The following TNR variants were observed in gnomAD, a reference collection of about 807,000 sequenced individuals.
The protein encoded by TNR is tenascin R, also known as tenascin-R.
A neutral mutation model predicts 150.4 loss-of-function variants in TNR; 45 were observed. The observed-to-expected ratio is 0.30, with a 90% CI of 0.24 to 0.38. The LOEUF (loss-of-function observed/expected upper bound fraction) is 0.38, where lower values mean the gene tolerates loss of function less well. Among genes scored for constraint, TNR ranks in the 10% least tolerant of loss-of-function variants. TNR has a pLI of 1.00. For missense variants in TNR, 1,544 were observed against 1,759.1 expected (o/e 0.88, Z 2.19); for synonymous variants, 687 against 678.4 (o/e 1.01, Z -0.20).
At chr1:175,671,840 G>T (rs771819901) in intron 1 of TNR, among the ~76,000 whole-genome samples, 27 of 151,746 alleles carry the variant, frequency 1.8e-4, no homozygotes, top group Non-Finnish European at 3.5e-4. Flanking sequence ...TAATTACTCG[G>T]GCAGCCCAAG....
chr1:175,724,877 G>A (rs1667436354), intron 1 of TNR, among the ~76,000 whole-genome samples: 1 of 152,080 alleles, frequency 6.6e-6, no homozygotes. Flanking sequence ...ATGGCCTGGA[G>A]GGGAGAGGAA....
intron 2 of TNR, among the ~76,000 whole-genome samples, chr1:175,506,270 G>A (rs1658953391): frequency 6.6e-6 from 1 of 152,150 alleles, no homozygotes; most frequent in South Asian, 2.1e-4. Context: ...TGTTATATTT[G>A]TTCAGAAACA....
At chr1:175,712,343 G>T (rs1000630407) in intron 1 of TNR, among the ~76,000 whole-genome samples, 2 of 152,116 alleles carry the variant, frequency 1.3e-5, no homozygotes, top group African/African-American at 4.8e-5. Context: ...TAGATGAATT[G>T]CTCTGAGGAT....
At chr1:175,644,736 A>G (rs1664760051) in intron 1 of TNR, among the ~76,000 whole-genome samples, 1 of 152,248 alleles carries the variant, frequency 6.6e-6, no homozygotes, top group East Asian at 1.9e-4. Flanking sequence ...CATGTTTGCT[A>G]AATACAGGAA....
chr1:175,644,379 C>T (rs774415880), intron 1 of TNR, among the ~76,000 whole-genome samples: 11 of 152,174 alleles, frequency 7.2e-5, no homozygotes, highest in Non-Finnish European at 1.0e-4. Flanking sequence ...TATATTATAC[C>T]GCAGTCTAAC....
At chr1:175,739,518 GCA>G (rs139764283) in intron 1 of TNR, among the ~76,000 whole-genome samples, 19 of 150,810 alleles carry the variant, frequency 1.3e-4, no homozygotes, top group South Asian at 8.4e-4. Flanking sequence ...ACACACGCAC[GCA>G]CACACACACA....
chr1:175,687,187 C>G (rs973957585), intron 1 of TNR, among the ~76,000 whole-genome samples: 1 of 152,168 alleles, frequency 6.6e-6, no homozygotes, highest in African/African-American at 2.4e-5. Flanking sequence ...CTCCTCTCCA[C>G]TGGTGCCTGT....
chr1:175,338,875 C>T (rs1057140968), intron 18 of TNR, among the ~76,000 whole-genome samples: 2 of 152,134 alleles, frequency 1.3e-5, no homozygotes, highest in Non-Finnish European at 1.5e-5. Flanking sequence ...TTATGGAAGG[C>T]CCCCCTGGAG....
At chr1:175,517,864 A>G (rs977138167) in intron 2 of TNR, among the ~76,000 whole-genome samples, 1 of 152,016 alleles carries the variant, frequency 6.6e-6, no homozygotes, top group East Asian at 1.9e-4. Flanking sequence ...TAGTCTACCC[A>G]CTGTGCATGT....
rs201187422 is a variant in TNR at position 175,403,415 on chromosome 1, C to T, written c.701G>A (p.Arg234Gln). 4.5e-5 allele frequency: 72 copies of T among 1,614,086 alleles called. No homozygotes were observed. The highest frequency in any genetic ancestry group is 1.6e-4 in the Middle Eastern group (1 of 6,084). The change falls in exon 4 of 23, where the codon CGG (arginine) becomes CAG (glutamine). Residue 234 changes from arginine to glutamine, a missense_variant. Arg to Gln is a conservative substitution (Grantham distance 43, BLOSUM62 1). Around this residue, in one of 2 missense-constraint regions of TNR, gnomAD observed 1,254 missense variants for 1,329.4 expected, o/e 0.94. Transcript: ENST00000367674. ...EYSGDDCSEL[R>Q]CPTDCSSRGL... ...CCGGGAGCTGCAGTCTGTTGGGCAC[C>T]GGAGTTCGGAACAGTCATCCCCGCT... is the stretch of plus-strand genomic sequence containing the variant.
intron 18 of TNR, among the ~76,000 whole-genome samples, chr1:175,349,913 T>C (rs1326830544): frequency 1.3e-5 from 2 of 152,214 alleles, no homozygotes; most frequent in African/African-American, 4.8e-5. Context: ...ACTCAAGCTG[T>C]TTCTAAATAG....
At chr1:175,660,816 A>C (rs1665345403) in intron 1 of TNR, among the ~76,000 whole-genome samples, 1 of 152,160 alleles carries the variant, frequency 6.6e-6, no homozygotes, top group Non-Finnish European at 1.5e-5. Flanking sequence ...CCAGAAGTGG[A>C]GGGAAGTTCA....
chr1:175,693,234 G>C (rs924902510), intron 1 of TNR, among the ~76,000 whole-genome samples: 1 of 152,164 alleles, frequency 6.6e-6, no homozygotes, highest in Non-Finnish European at 1.5e-5. Flanking sequence ...TCTGAGGCTG[G>C]AGTGGCCACA....
intron 2 of TNR, among the ~76,000 whole-genome samples, chr1:175,502,286 G>A (rs543093585): frequency 6.6e-6 from 1 of 152,292 alleles, no homozygotes; most frequent in South Asian, 2.1e-4. Flanking sequence ...CAGAATGCTG[G>A]AGTGCTCTAT....
chr1:175,363,158 C>T (rs1487784769), intron 13 of TNR, among the ~76,000 whole-genome samples: 2 of 152,242 alleles, frequency 1.3e-5, no homozygotes, highest in Non-Finnish European at 2.9e-5. Flanking sequence ...GAATGCTGTC[C>T]TGTGTCCTCA....
At chr1:175,377,277 C>T (rs1182482440) in intron 9 of TNR, among the ~76,000 whole-genome samples, 1 of 151,946 alleles carries the variant, frequency 6.6e-6, no homozygotes, top group Non-Finnish European at 1.5e-5. Context: ...TTCTTTTTTC[C>T]CGGTAGAGGG....
At chr1:175,733,940 C>G (rs1238101534) in intron 1 of TNR, among the ~76,000 whole-genome samples, 48 of 1,282 alleles carry the variant, frequency 0.037, no homozygotes, top group Admixed American at 0.23. Flanking sequence ...GAGGACATAG[C>G]CAGGCCCACC....
chr1:175,729,851 C>A (rs1021265067), intron 1 of TNR, among the ~76,000 whole-genome samples: 65 of 152,262 alleles, frequency 4.3e-4, no homozygotes, highest in African/African-American at 1.5e-3. Context: ...CATCTGCTCA[C>A]CCCAAGTCCC....
chr1:175,441,221 T>G (rs75341140), intron 2 of TNR, among the ~76,000 whole-genome samples: 2,750 of 152,236 alleles, frequency 0.018, 93 homozygotes, highest in African/African-American at 0.062. Flanking sequence ...GACTTGACAT[T>G]AGGGTTTTGG....
Sources: allele counts gnomAD v4.1 joint callset (sites outside exome capture counted in the v4.1 genomes callset), GRCh38; gene constraint gnomAD v4.1.1; regional missense constraint gnomAD v4.1.1; transcripts MANE v1.5; gene names NCBI Gene and HGNC (gene_info 2026-07-23, HGNC 2026-07-21).